Variants in TNFRSF1B observed in about 807,000 individuals in gnomAD.
TNFRSF1B encodes TNF receptor superfamily member 1B.
Under a neutral mutation model 44.6 loss-of-function variants are expected in TNFRSF1B, and 19 were observed. The ratio of observed to expected loss-of-function variants is 0.43; its 90% CI spans 0.30 to 0.62. TNFRSF1B has a LOEUF of 0.62. Ranked by LOEUF, TNFRSF1B falls within the 20% of genes least tolerant of loss-of-function variation. The probability of loss-of-function intolerance (pLI) is 0.16; values close to 1 mark genes in which losing one functional copy is unlikely to be tolerated. For synonymous variants in TNFRSF1B, 252 were observed against 261.1 expected, an observed-to-expected ratio of 0.97 and a Z score of 0.34; for missense variants, 541 against 619.9, an observed-to-expected ratio of 0.87 and a Z score of 1.35.
Position 12,191,198 on chromosome 1 carries a change from G to C in TNFRSF1B, c.307+113G>C, listed in dbSNP as rs1320609865. 2.8e-6 allele frequency: 4 copies of C among 1,422,432 alleles called. No individual in the cohort carries two copies. The African/African-American group carries it at 4.3e-5, about 15-fold the overall frequency. The allele number at this position is 1,422,432 out of a possible 1,614,324, so 88.1% of individuals were successfully genotyped here. A position where few individuals can be genotyped will look rare whatever the true frequency, so the allele number is the denominator to read the frequency against. ...TGGAGTTACCCCAGGCTGGTTGTTG[G>C]AAGTGGCACAGGTGCAGCTGTTTAC... On this transcript the variant is annotated intron_variant, in intron 3 of 9. Coordinates refer to ENST00000376259, the MANE Select transcript of TNFRSF1B (RefSeq NM_001066.3).
At chr1:12,183,658 A>ATCTATCTATCTATCTAT (rs1345317619) in intron 1 of TNFRSF1B, among the ~76,000 whole-genome samples, 8 of 67,128 alleles carry the variant, frequency 1.2e-4, no homozygotes, top group South Asian at 4.8e-4. Flanking sequence ...TATCTATTTT[A>ATCTATCTATCTATCTAT]TCTATCTATC....
intron 1 of TNFRSF1B, among the ~76,000 whole-genome samples, chr1:12,172,490 C>T (rs574006511): frequency 6.6e-4 from 100 of 152,330 alleles, no homozygotes; most frequent in African/African-American, 2.2e-3. Flanking sequence ...AGGTCTGACC[C>T]GACTCTCTGG....
chr1:12,183,270 T>G (rs1427228410), intron 1 of TNFRSF1B, among the ~76,000 whole-genome samples: 1 of 152,182 alleles, frequency 6.6e-6, no homozygotes, highest in Non-Finnish European at 1.5e-5. Flanking sequence ...TAGTCCTCTA[T>G]CCGCTTGCCG....
rs603686 is a variant in TNFRSF1B at position 12,188,050 on chromosome 1, G to T, written c.79-746G>T. On this transcript the variant is annotated intron_variant, in intron 1 of 9. Coordinates refer to ENST00000376259, the MANE Select transcript of TNFRSF1B (RefSeq NM_001066.3). ...GAACAGTGCCTGGTACCTAGGCAGTGCTTCAAAAATGGCAACGATTGTCAT... is the reference window on the plus strand; with the variant it reads ...GAACAGTGCCTGGTACCTAGGCAGTTCTTCAAAAATGGCAACGATTGTCAT... 2.3e-3 allele frequency among the ~76,000 whole-genome samples: 347 copies of T among 152,342 alleles called. 2 individuals are homozygous for T. The highest frequency in any genetic ancestry group is 7.5e-3 in the African/African-American group (310 of 41,578).
intron 8 of TNFRSF1B, among the ~76,000 whole-genome samples, chr1:12,196,128 C>T (rs957199615): frequency 6.6e-6 from 1 of 151,992 alleles, no homozygotes; most frequent in Non-Finnish European, 1.5e-5. Flanking sequence ...TGGTAAAACC[C>T]CATCTCTACT....
At chr1:12,194,083 G>A in intron 7 of TNFRSF1B, 51 bp downstream of exon 7, 1 of 1,509,046 alleles carries the variant, frequency 6.6e-7, no homozygotes. Flanking sequence ...AAGCTTTTGT[G>A]GGGTGCCTCC....
At chr1:12,179,482 G>A (rs1355265804) in intron 1 of TNFRSF1B, among the ~76,000 whole-genome samples, 1 of 152,220 alleles carries the variant, frequency 6.6e-6, no homozygotes, top group Non-Finnish European at 1.5e-5. Context: ...CGCATTGCTT[G>A]AAGAGGGTTT....
chr1:12,193,065 G>A lies in TNFRSF1B; in HGVS notation c.754G>A (p.Glu252Lys), dbSNP rs750633484. Residue 252 changes from glutamate (E) to lysine (K), a missense_variant, in exon 6 of 10, where the codon GAA becomes AAA. Transcript: ENST00000376259. Reference sequence around the variant, plus strand: ...CCCAATGGGCCCCAGCCCCCCAGCTGAAGGGAGCACTGGCGACTTCGCTCT... The same window carrying A: ...CCCAATGGGCCCCAGCCCCCCAGCTAAAGGGAGCACTGGCGACTTCGCTCT... The part of the protein sequence containing the change: ...LLPMGPSPPA[E>K]GSTGDFALPV... The A allele has an allele frequency of 6.2e-7, 1 of 1,614,184 alleles. No homozygotes were observed. The highest frequency in any genetic ancestry group is 8.5e-7 in the Non-Finnish European group (1 of 1,180,028).
At chr1:12,182,615 C>A (rs945631229) in intron 1 of TNFRSF1B, among the ~76,000 whole-genome samples, 8 of 152,244 alleles carry the variant, frequency 5.3e-5, no homozygotes, top group Admixed American at 2.0e-4. Flanking sequence ...TGACTTTCTC[C>A]ATGGACCACG....
rs1368506601 is a variant in TNFRSF1B, at chr1:12,202,143, G to C, written c.1077G>C (p.Gly359=). The C allele has an allele frequency of 1.3e-6, 2 of 1,554,300 alleles. No individual in the cohort carries two copies. Residue 359 remains glycine (G), a synonymous_variant, in exon 9 of 10, where the codon GGG becomes GGC. Coordinates refer to ENST00000376259, the MANE Select transcript of TNFRSF1B (RefSeq NM_001066.3). The part of the protein sequence containing the change: ...QAPGVEASGA[G]EARASTGSSD... ...CAGGCGTGGAGGCCAGTGGGGCCGG[G>C]GAGGCCCGGGCCAGCACCGGGAGCT...
At position 12,191,883 on chromosome 1, in the gene TNFRSF1B, G is replaced by C. The variant is rs145097690; in HGVS notation, c.417G>C (p.Pro139=). The C allele has an allele frequency of 3.5e-5, 56 of 1,610,524 alleles. No individual in the cohort carries two copies. The African/African-American group carries it at 7.2e-4, about 21-fold the overall frequency. Residue 139 remains proline (P), a synonymous_variant, in exon 4 of 10, where the codon CCG becomes CCC. Transcript: ENST00000376259. ...AGGAGGGGTGCCGGCTGTGCGCGCC[G>C]CTGCGCAAGTGCCGCCCGGGCTTCG... ...SKQEGCRLCA[P]LRKCRPGFGV... is the part of the protein sequence containing the mutation.
At chr1:12,202,448 A>G (rs181206501) in intron 9 of TNFRSF1B, among the ~76,000 whole-genome samples, 35 of 151,944 alleles carry the variant, frequency 2.3e-4, no homozygotes, top group African/African-American at 8.0e-4. Flanking sequence ...CCCTGCTACC[A>G]CCCCCAGCTG....
intron 8 of TNFRSF1B, among the ~76,000 whole-genome samples, chr1:12,200,115 G>A (rs933111954): frequency 6.6e-6 from 1 of 152,126 alleles, no homozygotes; most frequent in Admixed American, 6.5e-5. Context: ...TCCTAACCGT[G>A]ACCTTGGGCA....
At position 12,193,051 on chromosome 1, in the gene TNFRSF1B, C is replaced by T; in HGVS notation, c.740C>T (p.Pro247Leu). Reference protein sequence around the residue: ...PSTSFLLPMGPSPPAEGSTGD... With the variant: ...PSTSFLLPMGLSPPAEGSTGD... ...ACCTCCTTCCTGCTCCCAATGGGCC[C>T]CAGCCCCCCAGCTGAAGGGAGCACT... The change falls in exon 6 of 10, where the codon CCC becomes CTC. Residue 247 changes from proline (P) to leucine (L), a missense_variant. Pro to Leu is a moderately conservative substitution (Grantham distance 98). Coordinates refer to ENST00000376259, the MANE Select transcript of TNFRSF1B (RefSeq NM_001066.3). 6.2e-7 allele frequency: 1 copy of T among 1,614,200 alleles called. No individual in the cohort carries two copies. Among genetic ancestry groups the T allele is most frequent in the South Asian group, 1.1e-5 (1 of 91,080 alleles).
chr1:12,183,040 G>T (rs1240189823), intron 1 of TNFRSF1B, among the ~76,000 whole-genome samples: 1 of 152,256 alleles, frequency 6.6e-6, no homozygotes, highest in African/African-American at 2.4e-5. Flanking sequence ...GTCTCCCTGA[G>T]CACCTGCGAA....
Position 12,206,795 on chromosome 1 carries a change from C to T in TNFRSF1B, c.1161C>T (p.Val387=), listed in dbSNP as rs763056084. 1 of 1,613,408 alleles carries T rather than the reference C, an allele frequency of 6.2e-7. No homozygotes were observed. Among genetic ancestry groups the T allele is most frequent in the African/African-American group, 1.3e-5 (1 of 74,916 alleles). ...TCAATGTCACCTGCATCGTGAACGT[C>T]TGTAGCAGCTCTGACCACAGCTCAC... ...TQVNVTCIVN[V]CSSSDHSSQC... is the part of the protein sequence containing the mutation. The change falls in exon 10 of 10, where the codon GTC becomes GTT. Residue 387 remains valine, a synonymous_variant. Transcript: ENST00000376259.
rs1557644506 is a variant in TNFRSF1B at position 12,208,778 on chromosome 1, G to A, written c.*1758G>A. The A allele has an allele frequency of 6.6e-6, 1 of 152,240 alleles. No individual in the cohort carries two copies. Among genetic ancestry groups the A allele is most frequent in the Admixed American group, 6.5e-5 (1 of 15,280 alleles). The allele number at this position is 152,240 out of a possible 1,614,324, so 9.4% of individuals were successfully genotyped here. A position where few individuals can be genotyped will look rare whatever the true frequency, so the allele number is the denominator to read the frequency against. Reference sequence around the variant, plus strand: ...CCAGCCATTACCATGGAGACAAGAAGGGTTTTCCACCCTGGAATCAAGATG... The same window carrying A: ...CCAGCCATTACCATGGAGACAAGAAAGGTTTTCCACCCTGGAATCAAGATG... On this transcript the variant is annotated 3_prime_UTR_variant, in exon 10 of 10. Transcript: ENST00000376259.
In TNFRSF1B at chr1:12,192,543, T is replaced by C; in HGVS notation, c.551+19T>C. On this transcript the variant is annotated intron_variant, in intron 5 of 9. Coordinates refer to ENST00000376259, the MANE Select transcript of TNFRSF1B (RefSeq NM_001066.3). Reference sequence around the variant, plus strand: ...ACCAGATGTGAGTAGCTGAGTCCTTTGGTTCTGGAGGAGCAGGGAGGGGCT... The same window carrying C: ...ACCAGATGTGAGTAGCTGAGTCCTTCGGTTCTGGAGGAGCAGGGAGGGGCT... 6.2e-7 allele frequency: 1 copy of C among 1,612,846 alleles called. No homozygotes were observed.
rs1638711095 is a variant in TNFRSF1B at position 12,178,430 on chromosome 1, G to A, written c.79-10366G>A. Among the ~76,000 whole-genome samples, 1 of 152,198 alleles carries A rather than the reference G, an allele frequency of 6.6e-6. No homozygotes were observed. Among genetic ancestry groups the A allele is most frequent in the Non-Finnish European group, 1.5e-5 (1 of 68,040 alleles). ...CTGTCGCCATTTTATAGATGATAAA[G>A]TGGAGGTGGGGGAATGGCAGAACTG... On this transcript the variant is annotated intron_variant, in intron 1 of 9. Transcript: ENST00000376259. The surrounding 1 kb of genome is among the most constrained non-coding windows in gnomAD (Gnocchi z 4.3).
Sources: gnomAD v4.1 joint callset for allele counts (sites outside exome capture counted in the v4.1 genomes callset) on GRCh38, gnomAD v4.1.1 for gene constraint, Gnocchi (gnomAD v3.1) non-coding constraint, MANE v1.5 for transcripts, NCBI Gene and HGNC (gene_info 2026-07-23, HGNC 2026-07-21) for gene names.